Variants in ANKRD6 observed in about 807,000 individuals in gnomAD.
The protein encoded by ANKRD6 is ankyrin repeat domain-containing protein 6.
ANKRD6 carries 56 observed loss-of-function variants against 82.3 expected under a neutral mutation model. That is an observed-to-expected ratio of 0.68 (90% CI 0.55 to 0.85). ANKRD6 has a LOEUF of 0.85. ANKRD6 is among the 40% of genes least tolerant of loss of function. The pLI is 0.00. For missense variants in ANKRD6, 852 were observed against 907.6 expected (o/e 0.94, Z 0.79); for synonymous variants, 347 against 352.1 (o/e 0.99, Z 0.16).
intron 1 of ANKRD6, among the ~76,000 whole-genome samples, chr6:89,527,557 G>A (rs1782637501): frequency 8.2e-6 from 1 of 121,912 alleles, no homozygotes; most frequent in South Asian, 2.9e-4. Flanking sequence ...TGGCTCCACT[G>A]TCCTCCAGCC....
intron 1 of ANKRD6, among the ~76,000 whole-genome samples, chr6:89,455,097 G>A (rs576318502): frequency 6.6e-6 from 1 of 151,172 alleles, no homozygotes; most frequent in Admixed American, 6.6e-5. Context: ...GCCCACCTTG[G>A]TCTCCCAAAG....
In ANKRD6 at chr6:89,612,293, C is replaced by A; in HGVS notation, c.439C>A (p.Leu147Met). Residue 147 changes from leucine (L) to methionine (M), a missense_variant, in exon 6 of 16, where the codon CTG becomes ATG. Transcript: ENST00000339746. ...CAAGGCGGGGAACACAGCTCTGCAC[C>A]TGGCCTGCCAGAACAGCCACTCCCA... ...KNKAGNTALHLACQNSHSQST... is the reference protein window; with the variant it reads ...KNKAGNTALHMACQNSHSQST... 6.4e-7 allele frequency: 1 copy of A among 1,560,556 alleles called. No homozygotes were observed. Among genetic ancestry groups the A allele is most frequent in the Admixed American group, 1.9e-5 (1 of 52,276 alleles).
chr6:89,443,697 A>G (rs1181528765), intron 1 of ANKRD6, among the ~76,000 whole-genome samples: 1 of 152,142 alleles, frequency 6.6e-6, no homozygotes, highest in Non-Finnish European at 1.5e-5. Flanking sequence ...GGCACCCTTT[A>G]AATAATTTGA....
chr6:89,533,299 G>A (rs574102647), intron 1 of ANKRD6, among the ~76,000 whole-genome samples: 1 of 152,198 alleles, frequency 6.6e-6, no homozygotes, highest in Admixed American at 6.5e-5. Context: ...GGCCCGGAGA[G>A]GTTAGGGACT....
intron 1 of ANKRD6, among the ~76,000 whole-genome samples, chr6:89,478,599 TG>T (rs1776362740): frequency 6.8e-6 from 1 of 147,292 alleles, no homozygotes; most frequent in Non-Finnish European, 1.5e-5. Flanking sequence ...CCAGGCGTGG[TG>T]GTGTGCACCT....
Position 89,630,540 on chromosome 6 carries a change from C to A in ANKRD6, c.1720C>A (p.Leu574Ile). Residue 574 changes from leucine to isoleucine, a missense_variant, in exon 16 of 16, where the codon CTC becomes ATC. Physicochemically the swap from Leu to Ile is conservative, Grantham distance 5. Coordinates refer to ENST00000339746, the MANE Select transcript of ANKRD6 (RefSeq NM_001242809.2). Reference sequence around the variant, plus strand: ...CCTCAACTCCACTGCTACCCAGAGACTCCAGCAGGAGCTGTCGTCTTCTGA... The same window carrying A: ...CCTCAACTCCACTGCTACCCAGAGAATCCAGCAGGAGCTGTCGTCTTCTGA... ...KALNSTATQR[L>I]QQELSSSDCT... is the part of the protein sequence containing the mutation. 1 of 1,614,028 alleles carries A rather than the reference C, an allele frequency of 6.2e-7. No individual in the cohort carries two copies. Among genetic ancestry groups the A allele is most frequent in the South Asian group, 1.1e-5 (1 of 91,080 alleles).
At chr6:89,544,268 T>G (rs538212128) in intron 1 of ANKRD6, among the ~76,000 whole-genome samples, 1 of 152,326 alleles carries the variant, frequency 6.6e-6, no homozygotes, top group East Asian at 1.9e-4. Flanking sequence ...CAAGGAGCCA[T>G]CCCAATGTCC....
At chr6:89,563,914 A>G (rs1390916888) in intron 1 of ANKRD6, among the ~76,000 whole-genome samples, 1 of 152,066 alleles carries the variant, frequency 6.6e-6, no homozygotes, top group African/African-American at 2.4e-5. Flanking sequence ...TGCACCTGGT[A>G]TCTCTGCTGG....
intron 1 of ANKRD6, among the ~76,000 whole-genome samples, chr6:89,462,834 C>T (rs1427956103): frequency 6.7e-6 from 1 of 149,652 alleles, no homozygotes; most frequent in Non-Finnish European, 1.5e-5. Flanking sequence ...CACGAGTACC[C>T]CTATGTATTG....
intron 1 of ANKRD6, among the ~76,000 whole-genome samples, chr6:89,504,712 G>C (rs190191570): frequency 1.3e-5 from 2 of 152,142 alleles, no homozygotes; most frequent in Admixed American, 6.5e-5. Context: ...GCTGAAGGAC[G>C]GTCTTGAAGT....
chr6:89,511,942 T>TA (rs201780909), intron 1 of ANKRD6, among the ~76,000 whole-genome samples: 2 of 151,906 alleles, frequency 1.3e-5, no homozygotes, highest in Non-Finnish European at 2.9e-5. Context: ...TTAAAAACAT[T>TA]AAAAAAATTT....
chr6:89,631,016 A>C lies in ANKRD6; in HGVS notation c.*12A>C. On this transcript the variant is annotated 3_prime_UTR_variant, in exon 16 of 16. Transcript: ENST00000339746. ...AGAAGGAAAATTAGCACCAATAAAG[A>C]GGAAATATGAAAGGATTCTTGAAGA... The C allele has an allele frequency of 1.3e-6, 2 of 1,490,824 alleles. No individual in the cohort carries two copies. Among genetic ancestry groups the C allele is most frequent in the Non-Finnish European group, 1.8e-6 (2 of 1,123,722 alleles). 92.3% of individuals were successfully genotyped at this position (1,490,824 alleles called of 1,614,324 possible).
At chr6:89,444,444 C>G (rs937404652) in intron 1 of ANKRD6, among the ~76,000 whole-genome samples, 2 of 152,194 alleles carry the variant, frequency 1.3e-5, no homozygotes, top group African/African-American at 4.8e-5. Context: ...TTTAGAAGCA[C>G]TGTTTTAAAA....
intron 1 of ANKRD6, among the ~76,000 whole-genome samples, chr6:89,547,614 T>C (rs1785270743): frequency 6.6e-6 from 1 of 152,176 alleles, no homozygotes; most frequent in South Asian, 2.1e-4. Flanking sequence ...TATTAGTTGC[T>C]GTTTCTCTGC....
At chr6:89,445,939 T>G (rs1343957795) in intron 1 of ANKRD6, among the ~76,000 whole-genome samples, 1 of 152,128 alleles carries the variant, frequency 6.6e-6, no homozygotes, top group African/African-American at 2.4e-5. Flanking sequence ...TGTGCCCAAA[T>G]AAGAAGGAGA....
intron 1 of ANKRD6, among the ~76,000 whole-genome samples, chr6:89,549,545 G>A (rs1785539347): frequency 6.6e-6 from 1 of 152,134 alleles, no homozygotes; most frequent in African/African-American, 2.4e-5. Flanking sequence ...CCAGTCTCAG[G>A]TATTCTGTTA....
intron 3 of ANKRD6, 53 bp downstream of exon 3, chr6:89,596,067 G>A: frequency 6.8e-7 from 1 of 1,471,640 alleles, no homozygotes. Context: ...AGGTTTTCTG[G>A]CTAGAAATCC....
intron 1 of ANKRD6, among the ~76,000 whole-genome samples, chr6:89,491,677 T>C (rs1778024934): frequency 4.6e-5 from 7 of 151,998 alleles, no homozygotes; most frequent in Admixed American, 4.6e-4. Flanking sequence ...TTAAGAGATA[T>C]ACCTAATGTA....
intron 1 of ANKRD6, among the ~76,000 whole-genome samples, chr6:89,491,567 T>C (rs1778009875): frequency 6.6e-6 from 1 of 150,682 alleles, no homozygotes; most frequent in African/African-American, 2.4e-5. Context: ...ATGTTCTCAC[T>C]CATAGGTGGG....
Sources: allele counts gnomAD v4.1 joint callset (sites outside exome capture counted in the v4.1 genomes callset), GRCh38; gene constraint gnomAD v4.1.1; transcripts MANE v1.5; gene names NCBI Gene and HGNC (gene_info 2026-07-23, HGNC 2026-07-21).